Variants in CNTN1 observed in about 807,000 individuals in gnomAD.
CNTN1 encodes the protein contactin 1.
In CNTN1, 38 loss-of-function variants were observed where a neutral mutation model predicts 126.4. That is an observed-to-expected ratio of 0.30 (90% CI 0.23 to 0.39). The LOEUF (loss-of-function observed/expected upper bound fraction) is 0.39. Ranked by LOEUF, CNTN1 falls within the 10% of genes least tolerant of loss-of-function variation. The pLI is 1.00. For missense variants in CNTN1, 1,009 were observed against 1,248.4 expected (o/e 0.81, Z 2.89); for synonymous variants, 413 against 422.6 (o/e 0.98, Z 0.28).
rs1938326296 is a variant in CNTN1, at chr12:40,749,730, GTTAA to G, written c.-77+57139_-77+57142del. 3.0e-5 allele frequency among the ~76,000 whole-genome samples: 3 copies of G among 98,598 alleles called. 1 individual carries two copies. The highest frequency in any genetic ancestry group is 7.1e-5 in the Non-Finnish European group (3 of 42,552). 64.7% of individuals were successfully genotyped at this position (98,598 alleles called of 152,430 possible). ...ATAATAGAAAATAAAGTTCTGATAGGTTAAGTAACATGACCAAAATCACAGAGTT... is the reference window on the plus strand; with the variant it reads ...ATAATAGAAAATAAAGTTCTGATAGGGTAACATGACCAAAATCACAGAGTT... On this transcript the variant is annotated intron_variant, in intron 1 of 23. Transcript: ENST00000551295.
intron 1 of CNTN1, among the ~76,000 whole-genome samples, chr12:40,813,349 C>T (rs940776967): frequency 1.3e-5 from 2 of 151,802 alleles, no homozygotes; most frequent in Non-Finnish European, 2.9e-5. Context: ...CCCCTCAACC[C>T]CCAACCCACA....
At chr12:41,030,384 G>A (rs984557164) in intron 23 of CNTN1, among the ~76,000 whole-genome samples, 10 of 151,872 alleles carry the variant, frequency 6.6e-5, no homozygotes, top group Non-Finnish European at 1.5e-4. Flanking sequence ...AATCAAAATA[G>A]AACTTTGATT....
At chr12:41,066,308 CA>C (rs1390707087) in intron 23 of CNTN1, among the ~76,000 whole-genome samples, 1 of 152,036 alleles carries the variant, frequency 6.6e-6, no homozygotes, top group Non-Finnish European at 1.5e-5. Context: ...AGAGATTATG[CA>C]ATATAGAATA....
intron 15 of CNTN1, chr12:40,971,949 T>C: frequency 9.8e-7 from 1 of 1,015,656 alleles, no homozygotes; most frequent in African/African-American, 1.7e-5. Flanking sequence ...TGAGACATCA[T>C]AATTAGGACA....
At chr12:40,706,586 T>C (rs1168474407) in intron 1 of CNTN1, among the ~76,000 whole-genome samples, 2 of 152,160 alleles carry the variant, frequency 1.3e-5, no homozygotes, top group Non-Finnish European at 2.9e-5. Flanking sequence ...CTCAAACTTA[T>C]AGGACCCCTC....
intron 1 of CNTN1, among the ~76,000 whole-genome samples, chr12:40,719,882 G>C (rs1942148290): frequency 6.6e-6 from 1 of 152,072 alleles, no homozygotes; most frequent in Admixed American, 6.5e-5. Flanking sequence ...CTATTGCCCA[G>C]GCTGGAGTGC....
In CNTN1 at chr12:40,835,171, C is replaced by T. The variant is rs192945956; in HGVS notation, c.-76-73186C>T. Among the ~76,000 whole-genome samples the T allele has an allele frequency of 4.6e-3, 699 of 152,230 alleles. 2 individuals are homozygous for T. Among genetic ancestry groups the T allele is most frequent in the Non-Finnish European group, 5.4e-3 (364 of 68,002 alleles). ...AGTGTCTCAATGAGGATAAAGAAGA[C>T]CATTACAAGTCATTTGGTCTCTCTT... is the stretch of plus-strand genomic sequence containing the variant. On this transcript the variant is annotated intron_variant, in intron 1 of 23. Coordinates refer to ENST00000551295, the MANE Select transcript of CNTN1 (RefSeq NM_001843.4).
intron 1 of CNTN1, among the ~76,000 whole-genome samples, chr12:40,700,061 TA>T (rs1941555720): frequency 2.0e-5 from 3 of 152,218 alleles, no homozygotes; most frequent in African/African-American, 7.2e-5. Flanking sequence ...CTTTTTGCTT[TA>T]AACATATTTT....
At chr12:40,772,168 G>A (rs796380093) in intron 1 of CNTN1, among the ~76,000 whole-genome samples, 53 of 152,044 alleles carry the variant, frequency 3.5e-4, no homozygotes, top group African/African-American at 1.2e-3. Context: ...GATGTTATAT[G>A]GAATTGTGAA....
intron 20 of CNTN1, among the ~76,000 whole-genome samples, chr12:41,021,350 A>C (rs1301380511): frequency 6.5e-5 from 9 of 137,748 alleles, no homozygotes; most frequent in South Asian, 2.3e-4. Context: ...CACCCACCCC[A>C]CTCCCCCAGC....
At chr12:40,947,738 T>C (rs1455470059) in intron 14 of CNTN1, among the ~76,000 whole-genome samples, 2 of 148,934 alleles carry the variant, frequency 1.3e-5, no homozygotes, top group African/African-American at 2.5e-5. Flanking sequence ...CCTTAAAATT[T>C]CCAGTTTTGG....
intron 1 of CNTN1, among the ~76,000 whole-genome samples, chr12:40,703,513 C>A (rs925966724): frequency 6.6e-6 from 1 of 152,136 alleles, no homozygotes; most frequent in African/African-American, 2.4e-5. Context: ...TTTCCGAAGT[C>A]ATGAAAATAG....
chr12:40,867,244 C>T (rs12372373), intron 1 of CNTN1, among the ~76,000 whole-genome samples: 1 of 152,102 alleles, frequency 6.6e-6, no homozygotes, highest in Non-Finnish European at 1.5e-5. Context: ...ACTAAAAAGA[C>T]AAGGTCTCCC....
At chr12:40,951,656 C>G (rs923580603) in intron 14 of CNTN1, among the ~76,000 whole-genome samples, 1 of 145,578 alleles carries the variant, frequency 6.9e-6, no homozygotes, top group Non-Finnish European at 1.5e-5. Flanking sequence ...TTGCAGTGAG[C>G]CCAGACTGTG....
At chr12:40,720,725 A>C (rs1942181533) in intron 1 of CNTN1, among the ~76,000 whole-genome samples, 1 of 152,030 alleles carries the variant, frequency 6.6e-6, no homozygotes, top group African/African-American at 2.4e-5. Flanking sequence ...TCAGGAGATC[A>C]AGACCATCCT....
chr12:41,002,044 G>A (rs988830481), intron 17 of CNTN1, among the ~76,000 whole-genome samples: 2 of 152,078 alleles, frequency 1.3e-5, no homozygotes, highest in Non-Finnish European at 2.9e-5. Flanking sequence ...GTAGAATAAA[G>A]TTGGGCAGTG....
intron 17 of CNTN1, among the ~76,000 whole-genome samples, chr12:41,006,880 C>G (rs1948505536): frequency 6.6e-6 from 1 of 152,056 alleles, no homozygotes; most frequent in African/African-American, 2.4e-5. Flanking sequence ...ATTGCAGGAA[C>G]AAACAATGAA....
intron 1 of CNTN1, among the ~76,000 whole-genome samples, chr12:40,860,435 G>A (rs1344474902): frequency 6.6e-6 from 1 of 152,046 alleles, no homozygotes; most frequent in Non-Finnish European, 1.5e-5. Flanking sequence ...AGACCCCACA[G>A]GTTAATGGCT....
intron 1 of CNTN1, among the ~76,000 whole-genome samples, chr12:40,727,925 C>T (rs1416805961): frequency 6.6e-6 from 1 of 152,210 alleles, no homozygotes; most frequent in Non-Finnish European, 1.5e-5. Context: ...TGTAAACACA[C>T]ATCCAAATGA....
Sources: gnomAD v4.1 joint callset for allele counts (sites outside exome capture counted in the v4.1 genomes callset) on GRCh38, gnomAD v4.1.1 for gene constraint, MANE v1.5 for transcripts, NCBI Gene and HGNC (gene_info 2026-07-23, HGNC 2026-07-21) for gene names.